Variants in SEZ6L observed in about 807,000 individuals in gnomAD.
SEZ6L encodes the protein seizure related 6 homolog like, also known as seizure 6-like protein.
Under a neutral mutation model 106.2 loss-of-function variants are expected in SEZ6L, and 37 were observed. The observed-to-expected ratio is 0.35, with a 90% CI of 0.27 to 0.46. The LOEUF is 0.46. Ranked by LOEUF, SEZ6L falls within the 20% of genes least tolerant of loss-of-function variation. The probability of loss-of-function intolerance (pLI) is 1.00; values close to 1 mark genes in which losing one functional copy is unlikely to be tolerated. For missense variants in SEZ6L, 1,172 were observed against 1,332.8 expected, an observed-to-expected ratio of 0.88 and a Z score of 1.88; for synonymous variants, 541 against 570.4, an observed-to-expected ratio of 0.95 and a Z score of 0.73.
chr22:26,206,933 C>T (rs558622136), intron 1 of SEZ6L, among the ~76,000 whole-genome samples: 17 of 152,254 alleles, frequency 1.1e-4, no homozygotes, highest in African/African-American at 4.1e-4. Flanking sequence ...TTTGAAAGCT[C>T]CAGGGACAAT....
rs188762680 is a variant in SEZ6L at position 26,297,402 on chromosome 22, A to G, written c.1162+322A>G. Among the ~76,000 whole-genome samples, 4 of 152,278 alleles carry G rather than the reference A, an allele frequency of 2.6e-5. No individual in the cohort carries two copies. The East Asian group carries it at 7.7e-4, about 29-fold the overall frequency. On this transcript the variant is annotated intron_variant, in intron 4 of 16. Transcript: ENST00000248933. ...TTCAAAGTACTAAGGAGCATAAGAA[A>G]TAGGTTGAGATATCCATTATGATAT...
intron 1 of SEZ6L, among the ~76,000 whole-genome samples, chr22:26,179,301 G>C (rs1049348184): frequency 2.0e-5 from 3 of 152,146 alleles, no homozygotes; most frequent in Non-Finnish European, 4.4e-5. Context: ...GAGATGGGGG[G>C]ATCCACTGCA....
chr22:26,333,803 G>C (rs915900578), intron 9 of SEZ6L, among the ~76,000 whole-genome samples: 4 of 152,228 alleles, frequency 2.6e-5, no homozygotes, highest in African/African-American at 9.6e-5. Context: ...AGGGGATGCT[G>C]GGGGCTCTGT....
intron 1 of SEZ6L, among the ~76,000 whole-genome samples, chr22:26,206,409 C>T (rs192436750): frequency 2.6e-4 from 40 of 152,222 alleles, no homozygotes; most frequent in African/African-American, 9.7e-4. Context: ...TATATGCCAG[C>T]CACTTTGTTA....
chr22:26,353,069 G>A (rs1424026319), intron 12 of SEZ6L, among the ~76,000 whole-genome samples: 1 of 152,108 alleles, frequency 6.6e-6, no homozygotes, highest in Non-Finnish European at 1.5e-5. Context: ...CTCAAAAAGG[G>A]ACACTTTATT....
chr22:26,243,968 G>A (rs971951528), intron 1 of SEZ6L, among the ~76,000 whole-genome samples: 24 of 152,064 alleles, frequency 1.6e-4, no homozygotes, highest in African/African-American at 5.8e-4. Context: ...TTCGAGACCA[G>A]CCTGGGCAAC....
chr22:26,363,346 G>A (rs1009673148), intron 12 of SEZ6L, among the ~76,000 whole-genome samples: 3 of 152,178 alleles, frequency 2.0e-5, no homozygotes, highest in Admixed American at 6.5e-5. Flanking sequence ...CACAAGTGCC[G>A]TAGGACCAGG....
At chr22:26,343,172 C>CT (rs1198446103) in intron 10 of SEZ6L, among the ~76,000 whole-genome samples, 7 of 152,140 alleles carry the variant, frequency 4.6e-5, no homozygotes, top group African/African-American at 1.7e-4. Flanking sequence ...CCAGACTCAG[C>CT]TGCCTTTGGA....
intron 1 of SEZ6L, among the ~76,000 whole-genome samples, chr22:26,210,020 GA>G (rs201564232): frequency 2.6e-4 from 37 of 142,530 alleles, no homozygotes; most frequent in South Asian, 1.5e-3. Context: ...ATGGGTCAAT[GA>G]AAAAAAATAT....
chr22:26,185,596 G>A (rs1339360684), intron 1 of SEZ6L, among the ~76,000 whole-genome samples: 2 of 152,098 alleles, frequency 1.3e-5, no homozygotes, highest in Non-Finnish European at 2.9e-5. Context: ...TTTTTCTGAG[G>A]CCATCAGTAA....
intron 12 of SEZ6L, among the ~76,000 whole-genome samples, chr22:26,360,704 C>T (rs946597864): frequency 6.6e-6 from 1 of 152,172 alleles, no homozygotes; most frequent in African/African-American, 2.4e-5. Flanking sequence ...TGAGGCTTCT[C>T]CTGTGCGCTT....
At chr22:26,321,742 G>A (rs568057285) in intron 9 of SEZ6L, among the ~76,000 whole-genome samples, 1 of 152,316 alleles carries the variant, frequency 6.6e-6, no homozygotes, top group African/African-American at 2.4e-5. Context: ...GCCCTCCTAA[G>A]TGTTTGCAAT....
intron 1 of SEZ6L, among the ~76,000 whole-genome samples, chr22:26,234,505 A>T (rs1406231140): frequency 6.6e-6 from 1 of 152,186 alleles, no homozygotes; most frequent in Admixed American, 6.5e-5. Context: ...CCTTGGGAGA[A>T]CGAACGTCTT....
intron 1 of SEZ6L, among the ~76,000 whole-genome samples, chr22:26,261,982 G>A (rs1221309551): frequency 6.6e-6 from 1 of 152,026 alleles, no homozygotes; most frequent in Non-Finnish European, 1.5e-5. Context: ...TAGCCTCCAC[G>A]ATTGGGAAAC....
chr22:26,190,220 C>T (rs1270230542), intron 1 of SEZ6L, among the ~76,000 whole-genome samples: 1 of 151,924 alleles, frequency 6.6e-6, no homozygotes, highest in Non-Finnish European at 1.5e-5. Flanking sequence ...TGGTGGTTTC[C>T]ACATAGCTGA....
chr22:26,205,878 C>G (rs1482669377), intron 1 of SEZ6L, among the ~76,000 whole-genome samples: 1 of 152,040 alleles, frequency 6.6e-6, no homozygotes, highest in African/African-American at 2.4e-5. Context: ...ATTTGAGATA[C>G]CAACGCTGTC....
At chr22:26,313,969 C>G (rs761801455) in intron 9 of SEZ6L, 67 bp downstream of exon 9, 16 of 1,496,928 alleles carry the variant, frequency 1.1e-5, no homozygotes, top group Non-Finnish European at 1.4e-5. Context: ...GAAATTGCTC[C>G]TGCTTTATTC....
intron 1 of SEZ6L, among the ~76,000 whole-genome samples, chr22:26,198,933 TGTG>T (rs560426560): frequency 1.6e-4 from 24 of 152,340 alleles, no homozygotes; most frequent in African/African-American, 5.8e-4. Flanking sequence ...GATGTGGCCA[TGTG>T]GCATGTTCTG....
intron 4 of SEZ6L, among the ~76,000 whole-genome samples, chr22:26,298,316 T>G (rs770648253): frequency 6.6e-6 from 1 of 152,190 alleles, no homozygotes; most frequent in African/African-American, 2.4e-5. Flanking sequence ...TAGGATGAAT[T>G]TGACATCCTC....
Sources: gnomAD v4.1 joint callset for allele counts (sites outside exome capture counted in the v4.1 genomes callset) on GRCh38, gnomAD v4.1.1 for gene constraint, MANE v1.5 for transcripts, NCBI Gene and HGNC (gene_info 2026-07-23, HGNC 2026-07-21) for gene names.